The following CLCNKA variants were observed in gnomAD, a reference collection of about 807,000 sequenced individuals.
The protein encoded by CLCNKA is chloride channel protein ClC-Ka.
CLCNKA carries 66 observed loss-of-function variants against 83.3 expected under a neutral mutation model. The observed-to-expected ratio is 0.79, with a 90% confidence interval of 0.65 to 0.97. The LOEUF (loss-of-function observed/expected upper bound fraction) is 0.97, where lower values mean the gene tolerates loss of function less well. CLCNKA is among the 50% of genes least tolerant of loss of function. CLCNKA has a pLI of 0.00. For synonymous variants in CLCNKA, 357 were observed against 370.4 expected (o/e 0.96, Z 0.42); for missense variants, 806 against 888.7 (o/e 0.91, Z 1.18).
At chr1:16,032,580 T>A in intron 18 of CLCNKA, 54 bp downstream of exon 18, 1 of 1,355,802 alleles carries the variant, frequency 7.4e-7, no homozygotes, top group African/African-American at 1.4e-5. Context: ...GGGCAAGAGC[T>A]GATGAGGAGC....
intron 15 of CLCNKA, among the ~76,000 whole-genome samples, chr1:16,031,003 A>C (rs1273018980): frequency 6.6e-6 from 1 of 152,198 alleles, no homozygotes; most frequent in Non-Finnish European, 1.5e-5. Flanking sequence ...GAGAGTCAGC[A>C]CCAGATCCGA....
At chr1:16,023,697 A>G (rs916941529) in intron 2 of CLCNKA, 103 bp from the exon 3 acceptor site, 2 of 1,435,726 alleles carry the variant, frequency 1.4e-6, no homozygotes, top group African/African-American at 1.4e-5. Flanking sequence ...CCCAGACTCA[A>G]CTACCAGGGT....
chr1:16,030,741 G>A, intron 15 of CLCNKA, 67 bp downstream of exon 15: 1 of 1,601,096 alleles, frequency 6.2e-7, no homozygotes. Context: ...GGGGGTGGAG[G>A]GCACCTCCAA....
chr1:16,029,270 G>C lies in CLCNKA; in HGVS notation c.1198G>C (p.Gly400Arg). 12 of 1,613,902 alleles carry C rather than the reference G, an allele frequency of 7.4e-6. No individual in the cohort carries two copies. Among genetic ancestry groups the C allele is most frequent in the Non-Finnish European group, 1.0e-5 (12 of 1,179,994 alleles). The change falls in exon 12 of 20, where the codon GGG becomes CGG. Residue 400 changes from glycine to arginine, a missense_variant. Gly to Arg is a moderately radical substitution (Grantham distance 125, BLOSUM62 -2). Coordinates refer to ENST00000331433, the MANE Select transcript of CLCNKA (RefSeq NM_004070.4). The stretch of plus-strand genomic sequence containing the variant: ...GTACCACCCGCGGTTCACCATCTTT[G>C]GGACCCTTGCCTTCTTCCTGGTTAT... ...EWYHPRFTIF[G>R]TLAFFLVMKF...
chr1:16,032,980 C>G (rs1200168097), intron 18 of CLCNKA, among the ~76,000 whole-genome samples, 190 bp from the exon 19 acceptor site: 1 of 152,150 alleles, frequency 6.6e-6, no homozygotes, highest in Non-Finnish European at 1.5e-5. Context: ...ACTTGCAGCC[C>G]CGCCCAGACC....
rs774126212 is a variant in CLCNKA, at chr1:16,027,862, G to A, written c.823G>A (p.Val275Ile). Residue 275 changes from valine (V) to isoleucine (I), a missense_variant, in exon 9 of 20, where the codon GTT becomes ATT. Val to Ile is a conservative substitution (Grantham distance 29). Transcript: ENST00000331433. ...CTACAAGACCAGTTTCCGGGTGGAC[G>A]TTCCCTTCGACCTGCCTGAGATCTT... ...SLYKTSFRVD[V>I]PFDLPEIFFF... 2.3e-5 allele frequency: 37 copies of A among 1,613,134 alleles called. No homozygotes were observed. The highest frequency in any genetic ancestry group is 8.3e-5 in the Admixed American group (5 of 59,938).
chr1:16,032,671 C>A, intron 18 of CLCNKA, 145 bp downstream of exon 18: 1 of 694,776 alleles, frequency 1.4e-6, no homozygotes, highest in Non-Finnish European at 2.6e-6. Context: ...GACAGGGCAG[C>A]TCCTGCCGTC....
chr1:16,026,904 C>A, intron 7 of CLCNKA, 129 bp downstream of exon 7: 3 of 1,322,880 alleles, frequency 2.3e-6, no homozygotes, highest in African/African-American at 1.4e-5. Flanking sequence ...TTCAGCCCCG[C>A]TTTGGGTATA....
At chr1:16,032,910 C>G (rs569766345) in intron 18 of CLCNKA, among the ~76,000 whole-genome samples, 1 of 152,204 alleles carries the variant, frequency 6.6e-6, no homozygotes, top group Non-Finnish European at 1.5e-5. Flanking sequence ...TGACAGGGGA[C>G]CTGGAGATGG....
Position 16,031,661 on chromosome 1 carries a change from G to T in CLCNKA, c.1623-49G>T, listed in dbSNP as rs772362656. Reference sequence around the variant, plus strand: ...CCCTCAGATCCCCTTGCTGGCCTGGGTCTGACATCCCCGACTCCGGGACCT... The same window carrying T: ...CCCTCAGATCCCCTTGCTGGCCTGGTTCTGACATCCCCGACTCCGGGACCT... On this transcript the variant is annotated intron_variant, in intron 15 of 19. Transcript: ENST00000331433. The T allele has an allele frequency of 5.6e-6, 9 of 1,613,020 alleles. No homozygotes were observed. In the East Asian group the frequency reaches 1.6e-4, roughly 28 times the overall value.
chr1:16,029,702 C>T (rs1452427966), intron 12 of CLCNKA, 29 bp from the exon 13 acceptor site: 6 of 1,613,806 alleles, frequency 3.7e-6, no homozygotes, highest in East Asian at 2.2e-5. Flanking sequence ...CGGCCTCTAA[C>T]CTCTGCCCTG....
intron 4 of CLCNKA, 92 bp from the exon 5 acceptor site, chr1:16,026,016 A>C: frequency 1.3e-6 from 2 of 1,565,494 alleles, no homozygotes; most frequent in Non-Finnish European, 1.8e-6. Context: ...GGCCTCCCAA[A>C]GTGCTGGGAT....
intron 18 of CLCNKA, among the ~76,000 whole-genome samples, chr1:16,032,882 T>C (rs2022687404): frequency 6.6e-6 from 1 of 152,192 alleles, no homozygotes; most frequent in African/African-American, 2.4e-5. Context: ...GACACAAGGA[T>C]GGGGCAAGGG....
chr1:16,033,524 T>G, intron 19 of CLCNKA, 87 bp from the exon 20 acceptor site: 1 of 1,159,640 alleles, frequency 8.6e-7, no homozygotes, highest in Non-Finnish European at 1.3e-6. Flanking sequence ...AGCCTGGAAA[T>G]GAACCTTAGG....
Position 16,028,847 on chromosome 1 carries a change from T to C in CLCNKA, c.1053+2T>C, listed in dbSNP as rs200288057. The C allele has an allele frequency of 5.6e-6, 9 of 1,614,010 alleles. No homozygotes were observed. The highest frequency in any genetic ancestry group is 1.3e-5 in the African/African-American group (1 of 75,058). ...GTGGGCCACTTCCTAGCTTCTCGGG[T>C]AAGGGGTCCTGAGCGGGGGTGGCAG... On this transcript the variant is annotated splice_donor_variant, in intron 11 of 19. Transcript: ENST00000331433. LOFTEE classifies it high-confidence loss of function.
rs1225692696 is a variant in CLCNKA, at chr1:16,022,814, T to A, written c.100+95T>A. The A allele has an allele frequency of 1.4e-5, 12 of 881,856 alleles. No individual in the cohort carries two copies. In the Admixed American group the frequency reaches 2.1e-4, roughly 15 times the overall value. The allele number at this position is 881,856 out of a possible 1,614,324, so 54.6% of individuals were successfully genotyped here. A position where few individuals can be genotyped will look rare whatever the true frequency, so the allele number is the denominator to read the frequency against. ...CCACCTCTCTGCCCAGGAACCACCC[T>A]CCTGTCATTTGTCCAGGACATGACT... is the stretch of plus-strand genomic sequence containing the variant. On this transcript the variant is annotated intron_variant, in intron 2 of 19. Coordinates refer to ENST00000331433, the MANE Select transcript of CLCNKA (RefSeq NM_004070.4).
At position 16,023,932 on chromosome 1, in the gene CLCNKA, ACT is replaced by A; in HGVS notation, c.229+7_229+8del. 6.2e-7 allele frequency: 1 copy of A among 1,613,700 alleles called. No homozygotes were observed. The highest frequency in any genetic ancestry group is 8.5e-7 in the Non-Finnish European group (1 of 1,179,850). ...GCCATCGGGTGTGTGGTCCGAGGTA[ACT>A]CTTCCCTGGCAGGTGCTGCTCTGGG... On this transcript the variant is annotated splice_donor_5th_base_variant and intron_variant, in intron 3 of 19. Coordinates refer to ENST00000331433, the MANE Select transcript of CLCNKA (RefSeq NM_004070.4).
intron 14 of CLCNKA, 102 bp from the exon 15 acceptor site, chr1:16,030,359 T>C: frequency 6.9e-7 from 1 of 1,443,248 alleles, no homozygotes; most frequent in Non-Finnish European, 9.6e-7. Context: ...CTCTTACAAT[T>C]CCCACCCTAG....
In CLCNKA at chr1:16,033,793, T is replaced by A. The variant is rs1396090498; in HGVS notation, c.*135T>A. ...TCCATTCTTTGGCATAACAGGCAAC[T>A]CTAACCTAGCCCAGAAGAGGATGGC... is the stretch of plus-strand genomic sequence containing the variant. On this transcript the variant is annotated 3_prime_UTR_variant, in exon 20 of 20. Coordinates refer to ENST00000331433, the MANE Select transcript of CLCNKA (RefSeq NM_004070.4). The A allele has an allele frequency of 2.7e-5, 24 of 879,164 alleles. No individual in the cohort carries two copies. The highest frequency in any genetic ancestry group is 4.3e-5 in the Non-Finnish European group (23 of 534,336). The allele number at this position is 879,164 out of a possible 1,614,324, so 54.5% of individuals were successfully genotyped here.
Sources: allele counts gnomAD v4.1 joint callset (sites outside exome capture counted in the v4.1 genomes callset), GRCh38; gene constraint gnomAD v4.1.1; transcripts MANE v1.5; gene names NCBI Gene and HGNC (gene_info 2026-07-23, HGNC 2026-07-21).